The following DOCK8 variants were observed in gnomAD, a reference collection of about 807,000 sequenced individuals.
The protein encoded by DOCK8 is dedicator of cytokinesis protein 8.
Under a neutral mutation model 245.6 loss-of-function variants are expected in DOCK8, and 141 were observed. The ratio of observed to expected loss-of-function variants is 0.57; its 90% CI spans 0.50 to 0.66. The LOEUF (loss-of-function observed/expected upper bound fraction) is 0.66, where lower values mean the gene tolerates loss of function less well. DOCK8 is among the 30% of genes least tolerant of loss of function. The pLI is 0.00. For missense variants in DOCK8, 2,965 were observed against 2,603.4 expected, an observed-to-expected ratio of 1.14 and a Z score of -3.02; for synonymous variants, 1,168 against 970.2, an observed-to-expected ratio of 1.20 and a Z score of -3.79.
intron 19 of DOCK8, among the ~76,000 whole-genome samples, chr9:376,765 T>G (rs2053534252): frequency 1.3e-5 from 2 of 152,212 alleles, no homozygotes; most frequent in African/African-American, 4.8e-5. Flanking sequence ...TATTTCTTCT[T>G]TAGCTAATAA....
intron 33 of DOCK8, among the ~76,000 whole-genome samples, chr9:424,545 G>A (rs2056408257): frequency 6.6e-6 from 1 of 152,068 alleles, no homozygotes; most frequent in Non-Finnish European, 1.5e-5. Flanking sequence ...AAGTAGATGG[G>A]ACTACAGGTG....
intron 5 of DOCK8, among the ~76,000 whole-genome samples, chr9:306,223 C>G (rs1208701878): frequency 2.0e-5 from 3 of 152,126 alleles, no homozygotes; most frequent in African/African-American, 4.8e-5. Context: ...TTAAATAATA[C>G]TAATTTTTCA....
At position 368,083 on chromosome 9, in the gene DOCK8, T is replaced by A; in HGVS notation, c.1745T>A (p.Ile582Asn). Residue 582 changes from isoleucine (I) to asparagine (N), a missense_variant, in exon 15 of 48, where the codon ATT becomes AAT. Coordinates refer to ENST00000432829, the MANE Select transcript of DOCK8 (RefSeq NM_203447.4). The part of the protein sequence containing the change: ...FVNKLASARN[I>N]TIKIQFMCGE... ...AACAAACTAGCATCAGCCCGGAACA[T>A]TACAATAAAGATCCAGTTTATGTGT... is the stretch of plus-strand genomic sequence containing the variant. The A allele has an allele frequency of 6.2e-7, 1 of 1,614,158 alleles. No homozygotes were observed. The highest frequency in any genetic ancestry group is 8.5e-7 in the Non-Finnish European group (1 of 1,180,016).
chr9:212,206 T>C (rs2046630060), upstream of DOCK8, among the ~76,000 whole-genome samples: 1 of 152,222 alleles, frequency 6.6e-6, no homozygotes, highest in South Asian at 2.1e-4. Context: ...AGATAAGTGT[T>C]ATTTAGTTGT....
chr9:324,542 C>T (rs1047551175), intron 7 of DOCK8, among the ~76,000 whole-genome samples: 6 of 152,186 alleles, frequency 3.9e-5, no homozygotes, highest in East Asian at 3.9e-4. Flanking sequence ...TTCACCGTTT[C>T]GAGGGGAATT....
chr9:214,369 T>C (rs1587590210), upstream of DOCK8: 1 of 739,164 alleles, frequency 1.4e-6, no homozygotes, highest in African/African-American at 1.8e-5. Flanking sequence ...TCCATTATAT[T>C]TATTTAGTGT....
intron 39 of DOCK8, among the ~76,000 whole-genome samples, chr9:436,850 C>G (rs1012992368): frequency 1.4e-4 from 22 of 152,170 alleles, no homozygotes; most frequent in African/African-American, 5.3e-4. Context: ...TTATTCCAAT[C>G]TTTGTTCAGT....
At chr9:449,622 C>G (rs1471474129) in intron 44 of DOCK8, among the ~76,000 whole-genome samples, 162 bp from the exon 45 acceptor site, 1 of 152,134 alleles carries the variant, frequency 6.6e-6, no homozygotes, top group Admixed American at 6.5e-5. Context: ...AAATGTTAGG[C>G]CCATCTTTCT....
At chr9:259,165 G>T (rs1283228067) in intron 1 of DOCK8, among the ~76,000 whole-genome samples, 1 of 151,968 alleles carries the variant, frequency 6.6e-6, no homozygotes, top group Non-Finnish European at 1.5e-5. Flanking sequence ...ATTAGGTATG[G>T]TGGTACATGC....
At chr9:315,319 C>T (rs1218090028) in intron 6 of DOCK8, among the ~76,000 whole-genome samples, 1 of 152,096 alleles carries the variant, frequency 6.6e-6, no homozygotes, top group East Asian at 1.9e-4. Flanking sequence ...TTTCCACTTT[C>T]TGTTTGCTTG....
intron 1 of DOCK8, among the ~76,000 whole-genome samples, chr9:250,737 A>G (rs1363245314): frequency 6.6e-6 from 1 of 152,220 alleles, no homozygotes; most frequent in African/African-American, 2.4e-5. Flanking sequence ...CCCAGGGAGG[A>G]GTTTCATGAC....
At position 396,874 on chromosome 9, in the gene DOCK8, A is replaced by G. The variant is rs540666977; in HGVS notation, c.3060A>G (p.Ile1020Met). Residue 1020 changes from isoleucine to methionine, a missense_variant, in exon 25 of 48, where the codon ATA (isoleucine) becomes ATG (methionine). Physicochemically the swap from Ile to Met is conservative, Grantham distance 10. Coordinates refer to ENST00000432829, the MANE Select transcript of DOCK8 (RefSeq NM_203447.4). ...TRFSDRFMDD[I>M]TTIVNVVTSE... is the part of the protein sequence containing the mutation. The stretch of plus-strand genomic sequence containing the variant: ...TTTCTGACCGTTTCATGGATGACAT[A>G]ACTACTATTGTTAATGTGGTCACCT... 2.5e-6 allele frequency: 4 copies of G among 1,614,096 alleles called. No homozygotes were observed. The South Asian group carries it at 4.4e-5, about 18-fold the overall frequency.
chr9:448,912 AGATT>A (rs1433618424), intron 44 of DOCK8, among the ~76,000 whole-genome samples: 5 of 152,254 alleles, frequency 3.3e-5, no homozygotes, highest in East Asian at 1.9e-4. Flanking sequence ...CTTAGCAAAT[AGATT>A]GATTGACCCT....
chr9:425,694 C>T (rs533119726), intron 33 of DOCK8, among the ~76,000 whole-genome samples: 2 of 148,106 alleles, frequency 1.4e-5, no homozygotes, highest in East Asian at 2.0e-4. Flanking sequence ...GAGTTCGAGG[C>T]TTCAGTGAGC....
intron 39 of DOCK8, among the ~76,000 whole-genome samples, chr9:436,003 T>C (rs1173346360): frequency 6.6e-6 from 1 of 152,250 alleles, no homozygotes; most frequent in Non-Finnish European, 1.5e-5. Flanking sequence ...AAAAGCTTTG[T>C]TCTTGTTATT....
intron 1 of DOCK8, among the ~76,000 whole-genome samples, chr9:236,757 G>GT (rs1484547218): frequency 1.3e-5 from 2 of 152,154 alleles, no homozygotes; most frequent in Non-Finnish European, 2.9e-5. Flanking sequence ...AGATCGAGTG[G>GT]TTCTCCTCCA....
chr9:308,221 C>G (rs2049936462), intron 5 of DOCK8, among the ~76,000 whole-genome samples: 1 of 152,076 alleles, frequency 6.6e-6, no homozygotes, highest in Admixed American at 6.6e-5. Context: ...GTTCCCAACA[C>G]AAAGAAATGA....
Position 464,293 on chromosome 9 carries a change from G to T in DOCK8, c.*74G>T. 1 of 1,304,204 alleles carries T rather than the reference G, an allele frequency of 7.7e-7. No homozygotes were observed. Among genetic ancestry groups the T allele is most frequent in the Admixed American group, 1.7e-5 (1 of 59,558 alleles). 80.8% of individuals were successfully genotyped at this position (1,304,204 alleles called of 1,614,324 possible). A position where few individuals can be genotyped will look rare whatever the true frequency, so the allele number is the denominator to read the frequency against. On this transcript the variant is annotated 3_prime_UTR_variant, in exon 48 of 48. Transcript: ENST00000432829. Reference sequence around the variant, plus strand: ...AGGACTTGCTGGTACTTAAAAAATGGGACATTTGCCACCCAGGACTGACTG... The same window carrying T: ...AGGACTTGCTGGTACTTAAAAAATGTGACATTTGCCACCCAGGACTGACTG...
intron 21 of DOCK8, among the ~76,000 whole-genome samples, chr9:381,646 A>G (rs1408974196): frequency 6.6e-6 from 1 of 152,154 alleles, no homozygotes; most frequent in East Asian, 1.9e-4. Flanking sequence ...TGAAAATTTG[A>G]TTGAGTTTTT....
Sources: gnomAD v4.1 joint callset for allele counts (sites outside exome capture counted in the v4.1 genomes callset) on GRCh38, gnomAD v4.1.1 for gene constraint, MANE v1.5 for transcripts, NCBI Gene and HGNC (gene_info 2026-07-23, HGNC 2026-07-21) for gene names.